REEP1: variants seen among roughly 807,000 people sequenced by gnomAD.
The protein encoded by REEP1 is receptor expression-enhancing protein 1.
A neutral mutation model predicts 40.3 loss-of-function variants in REEP1; 22 were observed. The ratio of observed to expected loss-of-function variants is 0.55; its 90% confidence interval spans 0.39 to 0.78. The LOEUF is 0.78. Among genes scored for constraint, REEP1 ranks in the 30% least tolerant of loss-of-function variants. The probability of loss-of-function intolerance (pLI) is 0.00; values close to 1 mark genes in which losing one functional copy is unlikely to be tolerated. For synonymous variants in REEP1, 116 were observed against 139.2 expected (o/e 0.83, Z 1.17); for missense variants, 280 against 361.1 (o/e 0.78, Z 1.82).
At chr2:86,217,888 C>G (rs1674212674) in intron 8 of REEP1, among the ~76,000 whole-genome samples, 1 of 151,938 alleles carries the variant, frequency 6.6e-6, no homozygotes, top group Non-Finnish European at 1.5e-5. Flanking sequence ...CCCCTCCTTC[C>G]ATGGGATACA....
intron 1 of REEP1, among the ~76,000 whole-genome samples, chr2:86,295,701 A>G (rs1388135904): frequency 1.3e-5 from 2 of 151,978 alleles, no homozygotes; most frequent in African/African-American, 2.4e-5. Context: ...CACCACGCCC[A>G]GCTAATTTTT....
chr2:86,264,205 G>T (rs1208013357), intron 2 of REEP1, among the ~76,000 whole-genome samples, 164 bp from the exon 3 acceptor site: 1 of 152,170 alleles, frequency 6.6e-6, no homozygotes, highest in Non-Finnish European at 1.5e-5. Flanking sequence ...GTCCAGTTCT[G>T]CTCCAGATCT....
chr2:86,229,596 T>A (rs1574000006), intron 6 of REEP1, among the ~76,000 whole-genome samples: 1 of 120,898 alleles, frequency 8.3e-6, no homozygotes, highest in African/African-American at 2.8e-5. Flanking sequence ...TCACCTGTCT[T>A]CCTTTTTTTT....
At chr2:86,279,983 C>A in intron 2 of REEP1, 1 of 456,258 alleles carries the variant, frequency 2.2e-6, no homozygotes. Flanking sequence ...TAGTGAGAAT[C>A]TCATTTCTGA....
At chr2:86,332,768 A>G (rs1573071333) in intron 1 of REEP1, among the ~76,000 whole-genome samples, 1 of 152,250 alleles carries the variant, frequency 6.6e-6, no homozygotes. Context: ...GCAGCTCAAC[A>G]GCGGAGAAAT....
intron 2 of REEP1, among the ~76,000 whole-genome samples, chr2:86,276,198 T>C (rs1390853065): frequency 6.6e-6 from 1 of 152,226 alleles, no homozygotes; most frequent in Non-Finnish European, 1.5e-5. Context: ...TCAGAGACCA[T>C]GTTGCCAGCA....
chr2:86,286,596 G>A (rs539285434), intron 1 of REEP1, among the ~76,000 whole-genome samples: 2 of 152,150 alleles, frequency 1.3e-5, no homozygotes, highest in African/African-American at 4.8e-5. Flanking sequence ...AACTGTAAAT[G>A]CTCTGATAGT....
chr2:86,264,760 C>T (rs913016576), intron 2 of REEP1, among the ~76,000 whole-genome samples: 2 of 152,252 alleles, frequency 1.3e-5, no homozygotes. Flanking sequence ...TGATAATAAA[C>T]ACCAAACAAA....
intron 1 of REEP1, among the ~76,000 whole-genome samples, chr2:86,309,861 G>A (rs1158842016): frequency 6.6e-6 from 1 of 152,088 alleles, no homozygotes; most frequent in African/African-American, 2.4e-5. Flanking sequence ...ATTTGGGGGG[G>A]CAATTGGCTG....
chr2:86,246,948 G>A (rs775280134), intron 5 of REEP1, among the ~76,000 whole-genome samples: 10 of 152,112 alleles, frequency 6.6e-5, no homozygotes, highest in African/African-American at 9.7e-5. Context: ...TGATCTGCCC[G>A]TCTTGGCCTC....
intron 7 of REEP1, among the ~76,000 whole-genome samples, chr2:86,222,851 G>A (rs1408596082): frequency 6.6e-6 from 1 of 152,176 alleles, no homozygotes; most frequent in Non-Finnish European, 1.5e-5. Flanking sequence ...GGCACCAGGA[G>A]GAGCAGGAGA....
intron 3 of REEP1, among the ~76,000 whole-genome samples, chr2:86,261,248 T>G (rs778758259): frequency 3.9e-5 from 6 of 152,178 alleles, no homozygotes; most frequent in Non-Finnish European, 8.8e-5. Flanking sequence ...TACACAGTCT[T>G]GACTGGGCCG....
At chr2:86,258,786 G>T (rs1042922247) in intron 3 of REEP1, among the ~76,000 whole-genome samples, 1 of 152,134 alleles carries the variant, frequency 6.6e-6, no homozygotes, top group Non-Finnish European at 1.5e-5. Context: ...ATTTGAAAAG[G>T]CCAGAGGCAC....
intron 3 of REEP1, among the ~76,000 whole-genome samples, chr2:86,261,533 C>A (rs1356440246): frequency 6.6e-6 from 1 of 152,192 alleles, no homozygotes; most frequent in Non-Finnish European, 1.5e-5. Flanking sequence ...TTGAAGGCAG[C>A]ACGCTCTTTA....
intron 1 of REEP1, among the ~76,000 whole-genome samples, chr2:86,325,899 G>A (rs533544452): frequency 4.6e-5 from 7 of 152,280 alleles, no homozygotes; most frequent in South Asian, 4.1e-4. Context: ...CCACCTCTTC[G>A]TCTCAGATTG....
At chr2:86,331,540 G>A (rs576601774) in intron 1 of REEP1, among the ~76,000 whole-genome samples, 3 of 152,100 alleles carry the variant, frequency 2.0e-5, no homozygotes, top group East Asian at 1.9e-4. Flanking sequence ...GTGGGGGGGC[G>A]GGGAATGTAG....
In REEP1 at chr2:86,254,819, A is replaced by T; in HGVS notation, c.183-5T>A. The T allele has an allele frequency of 1.2e-6, 2 of 1,613,734 alleles. No individual in the cohort carries two copies. The highest frequency in any genetic ancestry group is 2.2e-5 in the South Asian group (2 of 91,072). ...AGTTCATAATAGAATGGAAACCTGG[A>T]GAGAGAGATGAAAACACAAGTTCTG... On this transcript the variant is annotated splice_region_variant and splice_polypyrimidine_tract_variant and intron_variant, in intron 3 of 8. Coordinates refer to ENST00000538924, the MANE Select transcript of REEP1 (RefSeq NM_001371279.1).
intron 1 of REEP1, among the ~76,000 whole-genome samples, chr2:86,286,035 C>G (rs1345530483): frequency 1.3e-5 from 2 of 152,084 alleles, no homozygotes; most frequent in African/African-American, 4.8e-5. Flanking sequence ...CTCTCTTCCC[C>G]CCACTGTCAT....
At chr2:86,234,192 A>C (rs960389735) in intron 5 of REEP1, among the ~76,000 whole-genome samples, 2 of 151,788 alleles carry the variant, frequency 1.3e-5, no homozygotes, top group African/African-American at 4.8e-5. Context: ...GGGGAGGGGG[A>C]AAAAAAGGGG....
Sources: gnomAD v4.1 joint callset for allele counts (sites outside exome capture counted in the v4.1 genomes callset) on GRCh38, gnomAD v4.1.1 for gene constraint, MANE v1.5 for transcripts, NCBI Gene and HGNC (gene_info 2026-07-23, HGNC 2026-07-21) for gene names.